Variants in CTNNA2 observed in about 807,000 individuals in gnomAD.
CTNNA2 encodes the protein catenin alpha-2.
Under a neutral mutation model 101.0 loss-of-function variants are expected in CTNNA2, and 42 were observed. That is an observed-to-expected ratio of 0.42 (90% CI 0.32 to 0.54). CTNNA2 has a LOEUF of 0.54. Among genes scored for constraint, CTNNA2 ranks in the 20% least tolerant of loss-of-function variants. The pLI is 0.14. For synonymous variants in CTNNA2, 450 were observed against 456.4 expected (o/e 0.99, Z 0.18); for missense variants, 871 against 1,223.1 (o/e 0.71, Z 4.29).
intron 7 of CTNNA2, among the ~76,000 whole-genome samples, chr2:79,946,023 A>C (rs1480035527): frequency 1.3e-5 from 2 of 152,190 alleles, no homozygotes; most frequent in Non-Finnish European, 2.9e-5. Flanking sequence ...AAGGAGTTAC[A>C]TGAAAAGGTA....
At chr2:80,079,483 C>A (rs1698973763) in intron 7 of CTNNA2, among the ~76,000 whole-genome samples, 1 of 152,102 alleles carries the variant, frequency 6.6e-6, no homozygotes, top group Admixed American at 6.5e-5. Flanking sequence ...AGAGAGATAG[C>A]CCTGCCTCTA....
chr2:79,531,802 T>C (rs1309791266), intron 1 of CTNNA2, among the ~76,000 whole-genome samples: 1 of 151,632 alleles, frequency 6.6e-6, no homozygotes, highest in African/African-American at 2.4e-5. Context: ...CTGCCTCTGG[T>C]TCCTGAGTTG....
chr2:79,456,075 GT>G (rs139713615), intron 4 of CTNNA2, among the ~76,000 whole-genome samples: 27,930 of 151,192 alleles, frequency 0.18, 2,670 homozygotes, highest in Middle Eastern at 0.3. Flanking sequence ...ATCTACTAAA[GT>G]TTTTTTGTGG....
chr2:79,208,113 G>A (rs1455186666), intron 2 of CTNNA2, among the ~76,000 whole-genome samples: 2 of 152,002 alleles, frequency 1.3e-5, no homozygotes, highest in Non-Finnish European at 2.9e-5. Flanking sequence ...AGATGACTCC[G>A]TTGCCACCTG....
chr2:80,115,358 T>C (rs1266990635), intron 7 of CTNNA2, among the ~76,000 whole-genome samples: 1 of 152,118 alleles, frequency 6.6e-6, no homozygotes, highest in Non-Finnish European at 1.5e-5. Flanking sequence ...TGATAATTGG[T>C]TGAGAGAATG....
At chr2:80,269,248 C>T (rs943695005) in intron 7 of CTNNA2, among the ~76,000 whole-genome samples, 1 of 152,080 alleles carries the variant, frequency 6.6e-6, no homozygotes, top group African/African-American at 2.4e-5. Context: ...GGTGGTTTCC[C>T]CCTTGCTATT....
intron 7 of CTNNA2, among the ~76,000 whole-genome samples, chr2:80,327,428 T>A (rs971513271): frequency 6.6e-6 from 1 of 152,154 alleles, no homozygotes. Flanking sequence ...CCATCATGTC[T>A]TCTTCAAAGT....
At chr2:79,731,896 A>G (rs1369357443) in intron 2 of CTNNA2, among the ~76,000 whole-genome samples, 2 of 152,024 alleles carry the variant, frequency 1.3e-5, no homozygotes, top group Admixed American at 6.6e-5. Context: ...ATAAATATTC[A>G]GACAGAGTTT....
chr2:79,431,425 A>C (rs556354133), intron 4 of CTNNA2, among the ~76,000 whole-genome samples: 1 of 152,184 alleles, frequency 6.6e-6, no homozygotes, highest in African/African-American at 2.4e-5. Context: ...TCTGCTGTGC[A>C]TTGCCTTTGT....
At chr2:79,483,546 C>G (rs60619539) in intron 4 of CTNNA2, among the ~76,000 whole-genome samples, 27,309 of 151,770 alleles carry the variant, frequency 0.18, 2,584 homozygotes, top group Middle Eastern at 0.3. Flanking sequence ...GCTGGTGGAC[C>G]GAGGGCCTCA....
chr2:80,281,320 T>C (rs972851658), intron 7 of CTNNA2, among the ~76,000 whole-genome samples: 3 of 152,166 alleles, frequency 2.0e-5, no homozygotes, highest in Non-Finnish European at 2.9e-5. Context: ...CTTCTGGAGG[T>C]GAAGTCCTTA....
chr2:80,448,988 G>A (rs1297157071), intron 9 of CTNNA2, among the ~76,000 whole-genome samples: 1 of 152,252 alleles, frequency 6.6e-6, no homozygotes, highest in South Asian at 2.1e-4. Flanking sequence ...GCTGATGCTA[G>A]GGGTCATGCT....
intron 3 of CTNNA2, among the ~76,000 whole-genome samples, chr2:79,809,598 T>C (rs1196955689): frequency 1.3e-5 from 2 of 152,208 alleles, no homozygotes; most frequent in Non-Finnish European, 2.9e-5. Flanking sequence ...TTTTGAGAAG[T>C]GTCTATTCAT....
chr2:80,227,598 C>T (rs1034375371), intron 7 of CTNNA2, among the ~76,000 whole-genome samples: 1 of 152,112 alleles, frequency 6.6e-6, no homozygotes, highest in South Asian at 2.1e-4. Flanking sequence ...GATGTGAGCC[C>T]GAGTTGTGCC....
chr2:79,300,562 C>A (rs1272091642), intron 2 of CTNNA2, among the ~76,000 whole-genome samples: 1 of 152,114 alleles, frequency 6.6e-6, no homozygotes, highest in African/African-American at 2.4e-5. Flanking sequence ...TGAAAAAATT[C>A]TTTCTACATT....
intron 2 of CTNNA2, among the ~76,000 whole-genome samples, chr2:79,303,309 G>A (rs1185172742): frequency 6.6e-6 from 1 of 152,062 alleles, no homozygotes; most frequent in African/African-American, 2.4e-5. Flanking sequence ...CTATCCCAGG[G>A]ACACCCCGAA....
intron 2 of CTNNA2, among the ~76,000 whole-genome samples, chr2:79,730,969 C>G (rs1352063576): frequency 6.6e-6 from 1 of 151,842 alleles, no homozygotes; most frequent in African/African-American, 2.4e-5. Flanking sequence ...TTGGATGTTT[C>G]TTTCAAGAAA....
At chr2:79,354,750 C>A (rs562147740) in intron 3 of CTNNA2, among the ~76,000 whole-genome samples, 1 of 152,240 alleles carries the variant, frequency 6.6e-6, no homozygotes, top group South Asian at 2.1e-4. Flanking sequence ...GTGAATTGCC[C>A]TGCAGTTGCT....
intron 3 of CTNNA2, among the ~76,000 whole-genome samples, chr2:79,793,263 CA>C (rs892286431): frequency 1.3e-5 from 2 of 152,216 alleles, no homozygotes; most frequent in Non-Finnish European, 2.9e-5. Flanking sequence ...GCATCAAAAA[CA>C]AATGCCTTTA....
Sources: gnomAD v4.1 joint callset for allele counts (sites outside exome capture counted in the v4.1 genomes callset) on GRCh38, gnomAD v4.1.1 for gene constraint, MANE v1.5 for transcripts, NCBI Gene and HGNC (gene_info 2026-07-23, HGNC 2026-07-21) for gene names.